ADGRB1: variants seen among roughly 807,000 people sequenced by gnomAD.
The protein encoded by ADGRB1 is adhesion G protein-coupled receptor B1.
Under a neutral mutation model 175.7 loss-of-function variants are expected in ADGRB1, and 36 were observed. That is an observed-to-expected ratio of 0.20 (90% CI 0.16 to 0.27). ADGRB1 has a LOEUF of 0.27. Among genes scored for constraint, ADGRB1 ranks in the 10% least tolerant of loss-of-function variants. The pLI is 1.00. For missense variants in ADGRB1, 1,731 were observed against 2,255.3 expected (o/e 0.77, Z 4.71); for synonymous variants, 1,054 against 979.4 (o/e 1.08, Z -1.42).
At chr8:142,488,264 T>A in intron 13 of ADGRB1, 100 bp from the exon 14 acceptor site, 1 of 1,503,062 alleles carries the variant, frequency 6.7e-7, no homozygotes, top group Non-Finnish European at 9.1e-7. Context: ...GGCATCAGCC[T>A]GCACTGCCAG....
At chr8:142,470,848 C>T (rs1840622754) in intron 2 of ADGRB1, among the ~76,000 whole-genome samples, 1 of 152,140 alleles carries the variant, frequency 6.6e-6, no homozygotes, top group African/African-American at 2.4e-5. Context: ...GCCCAGTGAC[C>T]CCACACTCAC....
intron 18 of ADGRB1, among the ~76,000 whole-genome samples, chr8:142,515,173 G>T (rs1218420932): frequency 1.3e-5 from 2 of 152,160 alleles, no homozygotes; most frequent in African/African-American, 2.4e-5. Context: ...GGAGAGCCCG[G>T]CGCCTGAAGG....
chr8:142,516,559 T>A (rs1263258588), intron 18 of ADGRB1, among the ~76,000 whole-genome samples: 1 of 129,746 alleles, frequency 7.7e-6, no homozygotes, highest in Non-Finnish European at 1.6e-5. Flanking sequence ...CCCAGGTGCA[T>A]GTGTGTGTGT....
At position 142,474,730 on chromosome 8, in the gene ADGRB1, G is replaced by C. The variant is rs1053338223; in HGVS notation, c.785-744G>C. Among the ~76,000 whole-genome samples, 5 of 152,138 alleles carry C rather than the reference G, an allele frequency of 3.3e-5. No homozygotes were observed. The highest frequency in any genetic ancestry group is 1.2e-4 in the African/African-American group (5 of 41,432). On this transcript the variant is annotated intron_variant, in intron 2 of 30. Transcript: ENST00000517894. This position sits in a 1 kb window ranked among gnomAD's most constrained non-coding sequence, Gnocchi z 5.8. ...GTCCATGAAGGCCGCGGGGACTGTCGGGGCAGGGATGGAGAAAGACTCACT... is the reference window on the plus strand; with the variant it reads ...GTCCATGAAGGCCGCGGGGACTGTCCGGGCAGGGATGGAGAAAGACTCACT...
intron 17 of ADGRB1, among the ~76,000 whole-genome samples, chr8:142,507,700 C>T (rs1842912297): frequency 6.6e-6 from 1 of 152,326 alleles, no homozygotes; most frequent in East Asian, 1.9e-4. Context: ...AGCCCGGCTC[C>T]CTGCACCCTC....
At chr8:142,533,675 TGCA>T (rs1420480388) in intron 25 of ADGRB1, among the ~76,000 whole-genome samples, 1 of 152,094 alleles carries the variant, frequency 6.6e-6, no homozygotes, top group African/African-American at 2.4e-5. Context: ...GCCCAGGCAG[TGCA>T]GCACCTTCCC....
At chr8:142,529,394 A>G (rs1844453065) in intron 24 of ADGRB1, among the ~76,000 whole-genome samples, 1 of 151,872 alleles carries the variant, frequency 6.6e-6, no homozygotes, top group African/African-American at 2.4e-5. Context: ...CAGGCTTTTA[A>G]TTTCGCTTGT....
Position 142,533,171 on chromosome 8 carries a change from C to T in ADGRB1, c.3399-124C>T. 3 of 1,135,684 alleles carry T rather than the reference C, an allele frequency of 2.6e-6. No individual in the cohort carries two copies. The East Asian group carries it at 7.9e-5, about 30-fold the overall frequency. 70.4% of individuals were successfully genotyped at this position (1,135,684 alleles called of 1,614,324 possible). A position where few individuals can be genotyped will look rare whatever the true frequency, so the allele number is the denominator to read the frequency against. On this transcript the variant is annotated intron_variant, in intron 24 of 30. Transcript: ENST00000517894. Reference sequence around the variant, plus strand: ...AGAGGAAGGGCTGCTTGGCCCAGGCCCCCAGAGACAGAGACGGGGACTTAG... The same window carrying T: ...AGAGGAAGGGCTGCTTGGCCCAGGCTCCCAGAGACAGAGACGGGGACTTAG...
intron 13 of ADGRB1, among the ~76,000 whole-genome samples, chr8:142,486,445 G>A: frequency 6.6e-6 from 1 of 152,182 alleles, no homozygotes; most frequent in East Asian, 1.9e-4. Flanking sequence ...TTCACCAGTA[G>A]AAATGTCCAT....
At chr8:142,478,841 G>T (rs1841160374) in intron 7 of ADGRB1, among the ~76,000 whole-genome samples, 1 of 150,266 alleles carries the variant, frequency 6.7e-6, no homozygotes, top group African/African-American at 2.5e-5. Context: ...CCATGGGGAA[G>T]TGGAGTGTGG....
At position 142,478,239 on chromosome 8, in the gene ADGRB1, C is replaced by T. The variant is rs368362951; in HGVS notation, c.1440C>T (p.Ser480=). 859 of 1,608,526 alleles carry T rather than the reference C, an allele frequency of 5.3e-4. 5 individuals are homozygous for T. In the African/African-American group the frequency reaches 9.5e-3, roughly 18 times the overall value. Residue 480 remains serine, a synonymous_variant, in exon 7 of 31, where the codon TCC becomes TCT. Coordinates refer to ENST00000517894, the MANE Select transcript of ADGRB1 (RefSeq NM_001702.3). ...WNEWSSWSAC[S]ASCSQGRQQR... ...AGTGGTCGAGCTGGAGCGCCTGCTCCGCCAGCTGCTCCCAGGGCCGACAGC... is the reference window on the plus strand; with the variant it reads ...AGTGGTCGAGCTGGAGCGCCTGCTCTGCCAGCTGCTCCCAGGGCCGACAGC...
At chr8:142,462,713 C>T (rs996855549) in intron 1 of ADGRB1, among the ~76,000 whole-genome samples, 16 of 152,258 alleles carry the variant, frequency 1.1e-4, no homozygotes, top group African/African-American at 3.1e-4. Context: ...GGAGGCATCC[C>T]CACCAGGAGG....
At chr8:142,524,459 C>G (rs542223096) in intron 23 of ADGRB1, among the ~76,000 whole-genome samples, 155 bp downstream of exon 23, 1 of 152,186 alleles carries the variant, frequency 6.6e-6, no homozygotes, top group Non-Finnish European at 1.5e-5. Context: ...GGGGTGCCCA[C>G]AGCCCCACTC....
At chr8:142,524,362 C>T in intron 23 of ADGRB1, 58 bp downstream of exon 23, 1 of 1,504,944 alleles carries the variant, frequency 6.6e-7, no homozygotes, top group Non-Finnish European at 8.9e-7. Flanking sequence ...CCACCTGCCT[C>T]CTGGGCCTCG....
chr8:142,507,577 G>A (rs911006305), intron 17 of ADGRB1, among the ~76,000 whole-genome samples: 4 of 152,210 alleles, frequency 2.6e-5, no homozygotes, highest in Non-Finnish European at 5.9e-5. Context: ...CCTGGGGGCC[G>A]GGTGCTGGCT....
intron 17 of ADGRB1, among the ~76,000 whole-genome samples, chr8:142,509,519 G>A (rs1842976977): frequency 6.6e-6 from 1 of 152,206 alleles, no homozygotes; most frequent in Admixed American, 6.5e-5. Flanking sequence ...ACCGGGGCAG[G>A]TCCCTTCTGA....
chr8:142,520,573 G>A (rs559286375), intron 19 of ADGRB1, among the ~76,000 whole-genome samples: 1 of 151,162 alleles, frequency 6.6e-6, no homozygotes, highest in African/African-American at 2.4e-5. Context: ...ATGGTGTGGT[G>A]GTGGTGATGG....
chr8:142,461,079 G>A (rs551812618), intron 1 of ADGRB1, among the ~76,000 whole-genome samples: 4 of 152,308 alleles, frequency 2.6e-5, no homozygotes, highest in Non-Finnish European at 4.4e-5. Flanking sequence ...GTCTCCACTC[G>A]GCTCAGCTCT....
chr8:142,519,134 G>T (rs576974677), intron 19 of ADGRB1, among the ~76,000 whole-genome samples: 1 of 152,124 alleles, frequency 6.6e-6, no homozygotes, highest in Non-Finnish European at 1.5e-5. Context: ...CTCTTCCCGG[G>T]ACCTGCCTTC....
Sources: allele counts gnomAD v4.1 joint callset (sites outside exome capture counted in the v4.1 genomes callset), GRCh38; gene constraint gnomAD v4.1.1; non-coding constraint Gnocchi (gnomAD v3.1); transcripts MANE v1.5; gene names NCBI Gene and HGNC (gene_info 2026-07-23, HGNC 2026-07-21).